Variants in STAC observed in about 807,000 individuals in gnomAD.
STAC encodes the protein SH3 and cysteine-rich domain-containing protein.
STAC carries 43 observed loss-of-function variants against 48.8 expected under a neutral mutation model. The ratio of observed to expected loss-of-function variants is 0.88; its 90% CI spans 0.69 to 1.14. The LOEUF is 1.14. Among genes scored for constraint, STAC ranks in the 50% most tolerant of loss-of-function variants. The probability of loss-of-function intolerance (pLI) is 0.00; values close to 1 mark genes in which losing one functional copy is unlikely to be tolerated. For synonymous variants in STAC, 193 were observed against 179.5 expected, an observed-to-expected ratio of 1.07 and a Z score of -0.60; for missense variants, 497 against 504.0, an observed-to-expected ratio of 0.99 and a Z score of 0.13.
chr3:36,538,371 C>T (rs953017480), intron 10 of STAC, among the ~76,000 whole-genome samples: 1 of 152,084 alleles, frequency 6.6e-6, no homozygotes, highest in Non-Finnish European at 1.5e-5. Flanking sequence ...AAAAAGTTTG[C>T]CAATCCTTAG....
chr3:36,399,502 T>C (rs73054160), intron 1 of STAC, among the ~76,000 whole-genome samples: 2,843 of 152,290 alleles, frequency 0.019, 52 homozygotes, highest in Non-Finnish European at 0.026. Flanking sequence ...GTGTGAACTA[T>C]AGATTTTCAG....
chr3:36,491,138 C>T (rs1697955806), intron 5 of STAC, among the ~76,000 whole-genome samples: 1 of 152,210 alleles, frequency 6.6e-6, no homozygotes, highest in East Asian at 1.9e-4. Flanking sequence ...TAATAATGAA[C>T]TTCAGCATCC....
chr3:36,546,115 G>T lies in STAC; in HGVS notation c.1111-76G>T. 2.5e-6 allele frequency: 3 copies of T among 1,219,566 alleles called. No individual in the cohort carries two copies. In the South Asian group the frequency reaches 3.8e-5, roughly 15 times the overall value. The allele number at this position is 1,219,566 out of a possible 1,614,324, so 75.5% of individuals were successfully genotyped here. ...TTGCTCCTGCAACCTCAGTCAGCAGGGATTCAAGCTGCAGGTTCTAACTTC... is the reference window on the plus strand; with the variant it reads ...TTGCTCCTGCAACCTCAGTCAGCAGTGATTCAAGCTGCAGGTTCTAACTTC... On this transcript the variant is annotated intron_variant, in intron 10 of 10. Coordinates refer to ENST00000273183, the MANE Select transcript of STAC (RefSeq NM_003149.3).
chr3:36,507,162 C>T (rs1234867584), intron 8 of STAC, among the ~76,000 whole-genome samples: 3 of 152,096 alleles, frequency 2.0e-5, no homozygotes, highest in Non-Finnish European at 2.9e-5. Flanking sequence ...GCTTTTTCTG[C>T]ATCTATTGAG....
chr3:36,493,941 G>A (rs574554051), intron 6 of STAC, among the ~76,000 whole-genome samples: 1 of 151,564 alleles, frequency 6.6e-6, no homozygotes, highest in Non-Finnish European at 1.5e-5. Context: ...ACGAGGTCAG[G>A]AGATCGAGAC....
At position 36,483,077 on chromosome 3, in the gene STAC, G is replaced by C; in HGVS notation, c.474G>C (p.Arg158=). The C allele has an allele frequency of 6.2e-7, 1 of 1,613,806 alleles. No individual in the cohort carries two copies. Among genetic ancestry groups the C allele is most frequent in the South Asian group, 1.1e-5 (1 of 91,062 alleles). ...HKCTDGLAPQ[R]CMGKLPKGFR... is the part of the protein sequence containing the mutation. ...GCACAGATGGCCTGGCACCCCAGCG[G>C]TGCATGGGCAAGCTGGTAAGGGCTT... is the stretch of plus-strand genomic sequence containing the variant. The change falls in exon 3 of 11, where the codon CGG becomes CGC. Residue 158 remains arginine, a synonymous_variant. Transcript: ENST00000273183.
intron 10 of STAC, among the ~76,000 whole-genome samples, chr3:36,543,102 G>A (rs1699368313): frequency 6.6e-6 from 1 of 152,098 alleles, no homozygotes; most frequent in South Asian, 2.1e-4. Flanking sequence ...AGAATGTCCT[G>A]AGCAAACCGA....
In STAC at chr3:36,486,188, TGGCCCAGA is replaced by T; in HGVS notation, c.629_636del (p.Ala210AspfsTer11). ...GAGACCCTCCGCTTCGGCACCTCCC[TGGCCCAGA>T]GGACAAAGAAGGGCAGCTCCGGCAG... On this transcript the variant is annotated frameshift_variant, in exon 5 of 11. Transcript: ENST00000273183. LOFTEE classifies it high-confidence loss of function. The T allele has an allele frequency of 6.2e-7, 1 of 1,614,026 alleles. No individual in the cohort carries two copies. The highest frequency in any genetic ancestry group is 8.5e-7 in the Non-Finnish European group (1 of 1,179,942).
intron 1 of STAC, among the ~76,000 whole-genome samples, chr3:36,385,516 TACA>T (rs765135935): frequency 2.1e-4 from 32 of 152,140 alleles, no homozygotes; most frequent in East Asian, 3.9e-4. Flanking sequence ...TTCATCAAAG[TACA>T]ACATCATCCC....
At chr3:36,398,476 G>C (rs28708775) in intron 1 of STAC, among the ~76,000 whole-genome samples, 1 of 69,326 alleles carries the variant, frequency 1.4e-5, no homozygotes, top group South Asian at 5.4e-4. Flanking sequence ...AGGAAGGAAG[G>C]AGGGAAGGAA....
At chr3:36,435,426 C>G (rs1047490016) in intron 1 of STAC, among the ~76,000 whole-genome samples, 4 of 152,270 alleles carry the variant, frequency 2.6e-5, no homozygotes, top group Non-Finnish European at 4.4e-5. Context: ...TTCTCAACTA[C>G]CCACGGACAT....
At chr3:36,486,403 AGCC>A (rs1044447363) in intron 5 of STAC, among the ~76,000 whole-genome samples, 154 bp downstream of exon 5, 1 of 152,166 alleles carries the variant, frequency 6.6e-6, no homozygotes, top group Admixed American at 6.5e-5. Context: ...AAGTGCTTTG[AGCC>A]ACTAAGGATT....
At chr3:36,521,158 GTGAC>G (rs1441420268) in intron 8 of STAC, among the ~76,000 whole-genome samples, 1 of 151,872 alleles carries the variant, frequency 6.6e-6, no homozygotes, top group Non-Finnish European at 1.5e-5. Flanking sequence ...TTTTTGCTGA[GTGAC>G]TGGTTGCTAT....
intron 1 of STAC, among the ~76,000 whole-genome samples, chr3:36,397,641 T>G (rs1445141737): frequency 6.6e-6 from 1 of 152,198 alleles, no homozygotes; most frequent in African/African-American, 2.4e-5. Context: ...TCAAGAGGCC[T>G]CATGTCAGAC....
At chr3:36,399,392 G>A (rs1426113746) in intron 1 of STAC, among the ~76,000 whole-genome samples, 3 of 151,978 alleles carry the variant, frequency 2.0e-5, no homozygotes, top group South Asian at 2.1e-4. Context: ...TGCTGCATTT[G>A]ACAATGGGTT....
At chr3:36,500,890 A>C (rs1698266796) in intron 6 of STAC, among the ~76,000 whole-genome samples, 1 of 152,170 alleles carries the variant, frequency 6.6e-6, no homozygotes, top group African/African-American at 2.4e-5. Context: ...CAGGAGTTCA[A>C]GCCCAGCCTA....
At position 36,521,428 on chromosome 3, in the gene STAC, G is replaced by A. The variant is rs769080973; in HGVS notation, c.921-7268G>A. ...ACAACATTTAGTGAACATTGCCATCGCCCTCTAGGCTCAACCCTGCCAACA... is the reference window on the plus strand; with the variant it reads ...ACAACATTTAGTGAACATTGCCATCACCCTCTAGGCTCAACCCTGCCAACA... On this transcript the variant is annotated intron_variant, in intron 8 of 10. Coordinates refer to ENST00000273183, the MANE Select transcript of STAC (RefSeq NM_003149.3). 4.6e-5 allele frequency among the ~76,000 whole-genome samples: 7 copies of A among 152,024 alleles called. No homozygotes were observed. The South Asian group carries it at 8.3e-4, about 18-fold the overall frequency.
intron 1 of STAC, among the ~76,000 whole-genome samples, chr3:36,412,961 C>T (rs1227927930): frequency 6.6e-6 from 1 of 152,136 alleles, no homozygotes; most frequent in South Asian, 2.1e-4. Context: ...GCAGGTTGTT[C>T]AGTTTCCATG....
intron 8 of STAC, among the ~76,000 whole-genome samples, chr3:36,523,950 C>A (rs1486718733): frequency 6.6e-6 from 1 of 152,152 alleles, no homozygotes; most frequent in African/African-American, 2.4e-5. Context: ...TGAAGGGTTG[C>A]CACTAAGGGC....
Sources: allele counts gnomAD v4.1 joint callset (sites outside exome capture counted in the v4.1 genomes callset), GRCh38; gene constraint gnomAD v4.1.1; transcripts MANE v1.5; gene names NCBI Gene and HGNC (gene_info 2026-07-23, HGNC 2026-07-21).